The following TNNI3K variants were observed in gnomAD, a reference collection of about 807,000 sequenced individuals.
The protein encoded by TNNI3K is serine/threonine-protein kinase TNNI3K.
In TNNI3K, 140 loss-of-function variants were observed where a neutral mutation model predicts 114.5. The ratio of observed to expected loss-of-function variants is 1.22; its 90% CI spans 1.07 to 1.41. The LOEUF is 1.41. Ranked by LOEUF, TNNI3K falls within the 40% of genes most tolerant of loss-of-function variation. The pLI is 0.00. For missense variants in TNNI3K, 1,125 were observed against 1,007.6 expected, an observed-to-expected ratio of 1.12 and a Z score of -1.58; for synonymous variants, 347 against 347.5, an observed-to-expected ratio of 1.00 and a Z score of 0.02.
chr1:74,446,167 G>T (rs1666662331), intron 20 of TNNI3K, among the ~76,000 whole-genome samples: 1 of 152,100 alleles, frequency 6.6e-6, no homozygotes, highest in Non-Finnish European at 1.5e-5. Flanking sequence ...CAGTGTAAAA[G>T]TGTTCCTGTT....
intron 11 of TNNI3K, among the ~76,000 whole-genome samples, chr1:74,365,497 A>G (rs1271706168): frequency 2.0e-5 from 3 of 152,050 alleles, no homozygotes; most frequent in Non-Finnish European, 4.4e-5. Context: ...AGTGATTCTT[A>G]TACATAGTAA....
intron 23 of TNNI3K, among the ~76,000 whole-genome samples, chr1:74,512,037 C>T (rs1373588975): frequency 2.0e-5 from 3 of 152,162 alleles, no homozygotes; most frequent in African/African-American, 7.2e-5. Context: ...CTTCATGCAG[C>T]TTCCCTTCCA....
chr1:74,459,634 T>G (rs996087517), intron 20 of TNNI3K, among the ~76,000 whole-genome samples: 3 of 152,254 alleles, frequency 2.0e-5, no homozygotes, highest in Non-Finnish European at 2.9e-5. Context: ...TATTTTTGGT[T>G]TATTATCACT....
intron 22 of TNNI3K, 54 bp downstream of exon 22, chr1:74,489,302 G>A (rs1668925589): frequency 1.3e-6 from 2 of 1,569,948 alleles, no homozygotes; most frequent in Admixed American, 1.8e-5. Context: ...CATATCCAAG[G>A]CTGTCAGGGA....
At chr1:74,480,118 G>T in intron 21 of TNNI3K, 1 of 685,340 alleles carries the variant, frequency 1.5e-6, no homozygotes, top group South Asian at 1.6e-5. Context: ...GACAAGAGAA[G>T]AGAAAAGAGG....
At chr1:74,449,729 A>G in intron 20 of TNNI3K, among the ~76,000 whole-genome samples, 1 of 151,512 alleles carries the variant, frequency 6.6e-6, no homozygotes, top group Non-Finnish European at 1.5e-5. Context: ...TATGCACCCA[A>G]TACAGGAGCA....
intron 5 of TNNI3K, among the ~76,000 whole-genome samples, chr1:74,317,559 G>T (rs994230819): frequency 6.6e-6 from 1 of 152,160 alleles, no homozygotes; most frequent in Non-Finnish European, 1.5e-5. Flanking sequence ...TGAAAAGAGG[G>T]TATGTCAGGA....
At chr1:74,430,045 A>C (rs1665818120) in intron 17 of TNNI3K, among the ~76,000 whole-genome samples, 2 of 152,080 alleles carry the variant, frequency 1.3e-5, no homozygotes, top group Non-Finnish European at 2.9e-5. Flanking sequence ...AAATGAATTA[A>C]TATTTATGAA....
At chr1:74,543,584 A>AT (rs1646752703) in intron 24 of TNNI3K, among the ~76,000 whole-genome samples, 1 of 152,138 alleles carries the variant, frequency 6.6e-6, no homozygotes, top group African/African-American at 2.4e-5. Context: ...TTAAACCCAG[A>AT]TTTGCCTGAC....
At chr1:74,489,520 A>G (rs1668942267) in intron 22 of TNNI3K, among the ~76,000 whole-genome samples, 1 of 152,228 alleles carries the variant, frequency 6.6e-6, no homozygotes, top group African/African-American at 2.4e-5. Flanking sequence ...TTGATAAGTA[A>G]AAATTGGAAA....
At chr1:74,268,644 A>G (rs1656160099) in intron 4 of TNNI3K, among the ~76,000 whole-genome samples, 1 of 151,766 alleles carries the variant, frequency 6.6e-6, no homozygotes, top group Admixed American at 6.6e-5. Context: ...GGTTACAATT[A>G]CTCTTTTTTT....
intron 23 of TNNI3K, among the ~76,000 whole-genome samples, chr1:74,522,379 G>A (rs1276177551): frequency 2.0e-5 from 3 of 152,122 alleles, no homozygotes; most frequent in Non-Finnish European, 4.4e-5. Flanking sequence ...CAGCAGCTCA[G>A]ATTACCCGTT....
chr1:74,332,536 G>A (rs1472144541), intron 6 of TNNI3K, among the ~76,000 whole-genome samples: 3 of 151,990 alleles, frequency 2.0e-5, no homozygotes, highest in Non-Finnish European at 2.9e-5. Flanking sequence ...TCCTGACCTC[G>A]TGATCCTCCT....
At chr1:74,296,273 CAA>C (rs35316333) in intron 5 of TNNI3K, among the ~76,000 whole-genome samples, 42 of 118,910 alleles carry the variant, frequency 3.5e-4, no homozygotes, top group Non-Finnish European at 2.9e-4. Context: ...AAGACTCCGT[CAA>C]AAAAAAAAAA....
chr1:74,416,157 CAT>C (rs1255341639), intron 17 of TNNI3K: 3 of 345,266 alleles, frequency 8.7e-6, no homozygotes, highest in Non-Finnish European at 1.2e-5. Context: ...AAATATAGCA[CAT>C]GACTGGGGAA....
chr1:74,260,034 A>T (rs912503182), intron 4 of TNNI3K, among the ~76,000 whole-genome samples: 2 of 152,132 alleles, frequency 1.3e-5, no homozygotes, highest in Non-Finnish European at 2.9e-5. Flanking sequence ...TTGTTTTTAT[A>T]ATTTCTTCTG....
chr1:74,449,843 C>T (rs1462747079), intron 20 of TNNI3K, among the ~76,000 whole-genome samples: 1 of 149,374 alleles, frequency 6.7e-6, no homozygotes, highest in African/African-American at 2.5e-5. Flanking sequence ...TTAGATAGAT[C>T]AACGAGACAG....
intron 17 of TNNI3K, among the ~76,000 whole-genome samples, chr1:74,411,704 T>A (rs1311166831): frequency 6.6e-6 from 1 of 152,098 alleles, no homozygotes; most frequent in East Asian, 1.9e-4. Context: ...AGATAAAGAA[T>A]GGAAACAAAT....
chr1:74,519,786 C>A (rs1446970748), intron 23 of TNNI3K, among the ~76,000 whole-genome samples: 2 of 152,068 alleles, frequency 1.3e-5, no homozygotes, highest in African/African-American at 4.8e-5. Flanking sequence ...TATAGTCAAG[C>A]CAAAGCTTTA....
Sources: gnomAD v4.1 joint callset for allele counts (sites outside exome capture counted in the v4.1 genomes callset) on GRCh38, gnomAD v4.1.1 for gene constraint, MANE v1.5 for transcripts, NCBI Gene and HGNC (gene_info 2026-07-23, HGNC 2026-07-21) for gene names.